The following NFIB variants were observed in gnomAD, a reference collection of about 807,000 sequenced individuals.
NFIB encodes nuclear factor I B.
NFIB carries 11 observed loss-of-function variants against 61.5 expected under a neutral mutation model. The observed-to-expected ratio is 0.18, with a 90% CI of 0.11 to 0.30. The LOEUF is 0.30. NFIB is among the 10% of genes least tolerant of loss of function. The probability of loss-of-function intolerance (pLI) is 1.00; values close to 1 mark genes in which losing one functional copy is unlikely to be tolerated. For synonymous variants in NFIB, 260 were observed against 216.5 expected (o/e 1.20, Z -1.76); for missense variants, 471 against 608.9 (o/e 0.77, Z 2.38).
the NFIB span, among the ~76,000 whole-genome samples, chr9:14,492,473 G>A: frequency 1.3e-5 from 2 of 152,130 alleles, no homozygotes; most frequent in Non-Finnish European, 2.9e-5. Flanking sequence ...GACGAATGAT[G>A]CTGGCATCTG....
chr9:14,438,029 T>C, the NFIB span, among the ~76,000 whole-genome samples: 301 of 127,980 alleles, frequency 2.4e-3, 2 homozygotes, highest in African/African-American at 4.8e-3. Flanking sequence ...TGTGTGTGTG[T>C]GCGCGTATGT....
chr9:14,456,764 T>A, the NFIB span, among the ~76,000 whole-genome samples: 4 of 152,166 alleles, frequency 2.6e-5, no homozygotes, highest in Admixed American at 6.5e-5. Context: ...AAGTTTTCAA[T>A]AGGGGACAAT....
chr9:14,447,281 C>T, the NFIB span, among the ~76,000 whole-genome samples: 1 of 152,250 alleles, frequency 6.6e-6, no homozygotes, highest in South Asian at 2.1e-4. Flanking sequence ...TTGTTTTTAG[C>T]TATTGCTCAT....
the NFIB span, among the ~76,000 whole-genome samples, chr9:14,429,313 G>T: frequency 6.6e-6 from 1 of 152,142 alleles, no homozygotes; most frequent in Non-Finnish European, 1.5e-5. Flanking sequence ...AATCTCTCCG[G>T]TTTGCTAAGA....
chr9:14,460,500 T>C, the NFIB span, among the ~76,000 whole-genome samples: 1 of 151,676 alleles, frequency 6.6e-6, no homozygotes, highest in African/African-American at 2.4e-5. Context: ...ACATGTACCC[T>C]AAAACTTAAA....
At chr9:14,182,836 G>C (rs944015957) in intron 2 of NFIB, among the ~76,000 whole-genome samples, 1 of 151,474 alleles carries the variant, frequency 6.6e-6, no homozygotes, top group African/African-American at 2.4e-5. Context: ...TTACTCTTAA[G>C]AGTCTTGGTG....
intron 10 of NFIB, chr9:14,094,428 T>C (rs570992693): frequency 7.9e-5 from 12 of 152,098 alleles, no homozygotes; most frequent in Non-Finnish European, 1.6e-4. Context: ...ATGTCAATAA[T>C]TTGTTTGTTG....
chr9:14,095,909 T>G (rs2034706825), intron 10 of NFIB, among the ~76,000 whole-genome samples: 2 of 152,188 alleles, frequency 1.3e-5, no homozygotes, highest in Non-Finnish European at 2.9e-5. Context: ...AGAGAATAAT[T>G]GTAACTTTCT....
At chr9:14,266,969 A>C (rs1326228382) in intron 2 of NFIB, among the ~76,000 whole-genome samples, 1 of 152,228 alleles carries the variant, frequency 6.6e-6, no homozygotes, top group African/African-American at 2.4e-5. Flanking sequence ...GGCAGTAGAA[A>C]ATTCACAGAA....
chr9:14,251,549 T>C (rs2055622737), intron 2 of NFIB, among the ~76,000 whole-genome samples: 1 of 152,296 alleles, frequency 6.6e-6, no homozygotes, highest in African/African-American at 2.4e-5. Flanking sequence ...TGCTATTTTC[T>C]CCTGACCAGA....
chr9:14,346,872 C>T (rs576667937), intron 1 of NFIB, among the ~76,000 whole-genome samples: 1 of 152,280 alleles, frequency 6.6e-6, no homozygotes, highest in East Asian at 1.9e-4. Flanking sequence ...CTACCTATTG[C>T]TGTCTCGCAA....
chr9:14,503,736 T>G, the NFIB span, among the ~76,000 whole-genome samples: 1 of 152,246 alleles, frequency 6.6e-6, no homozygotes, highest in Non-Finnish European at 1.5e-5. Context: ...ATTTGTTGGA[T>G]GTATAGATTG....
chr9:14,402,926 C>T (rs537233279), upstream of NFIB, among the ~76,000 whole-genome samples: 4 of 152,210 alleles, frequency 2.6e-5, no homozygotes, highest in South Asian at 2.1e-4. Context: ...AAAAAGTAGT[C>T]GATTTCTAAA....
intron 1 of NFIB, among the ~76,000 whole-genome samples, chr9:14,348,474 A>G (rs2061061949): frequency 6.6e-6 from 1 of 152,162 alleles, no homozygotes; most frequent in Admixed American, 6.5e-5. Context: ...AAACAAGGTT[A>G]TTTAAAGTGA....
At chr9:14,430,502 T>C in the NFIB span, among the ~76,000 whole-genome samples, 312 of 152,364 alleles carry the variant, frequency 2.0e-3, 2 homozygotes, top group African/African-American at 7.0e-3. Flanking sequence ...TTCTGTCCTT[T>C]TTCTAATGTT....
the NFIB span, among the ~76,000 whole-genome samples, chr9:14,463,512 G>T: frequency 3.9e-5 from 6 of 152,192 alleles, no homozygotes; most frequent in Non-Finnish European, 8.8e-5. Context: ...TGGTGATGTT[G>T]TTAATAGCAA....
intron 2 of NFIB, among the ~76,000 whole-genome samples, chr9:14,271,241 T>C (rs1360482121): frequency 7.5e-6 from 1 of 132,534 alleles, no homozygotes; most frequent in Admixed American, 8.0e-5. Context: ...CCCCTCCCCA[T>C]GAGCATCTGC....
chr9:14,174,766 CAA>C (rs546288962), intron 3 of NFIB, among the ~76,000 whole-genome samples: 98 of 56,004 alleles, frequency 1.7e-3, no homozygotes, highest in African/African-American at 4.5e-3. Context: ...GACTCCATCT[CAA>C]AAAAAAAAAA....
At chr9:14,427,944 T>TTTTTTTTTTTTTTTTG in the NFIB span, among the ~76,000 whole-genome samples, 1 of 83,182 alleles carries the variant, frequency 1.2e-5, no homozygotes, top group Non-Finnish European at 2.3e-5. Context: ...GTTGTTTTTT[T>TTTTTTTTTTTTTTTTG]TTTTTTTTTT....
Sources: allele counts gnomAD v4.1 joint callset (sites outside exome capture counted in the v4.1 genomes callset), GRCh38; gene constraint gnomAD v4.1.1; transcripts MANE v1.5; gene names NCBI Gene and HGNC (gene_info 2026-07-23, HGNC 2026-07-21).